The following MINAR1 variants were observed in gnomAD, a reference collection of about 807,000 sequenced individuals.
MINAR1 encodes the protein membrane integral NOTCH2 associated receptor 1.
Under a neutral mutation model 65.1 loss-of-function variants are expected in MINAR1, and 40 were observed. The ratio of observed to expected loss-of-function variants is 0.61; its 90% CI spans 0.48 to 0.80. MINAR1 has a LOEUF of 0.80. Ranked by LOEUF, MINAR1 falls within the 30% of genes least tolerant of loss-of-function variation. The pLI, the probability that MINAR1 is intolerant of heterozygous loss-of-function variation, is 0.00. For missense variants in MINAR1, 1,128 were observed against 1,148.0 expected (o/e 0.98, Z 0.25); for synonymous variants, 482 against 449.1 (o/e 1.07, Z -0.93).
At chr15:79,464,486 G>A (rs1490450109) in intron 3 of MINAR1, among the ~76,000 whole-genome samples, 1 of 152,192 alleles carries the variant, frequency 6.6e-6, no homozygotes, top group Non-Finnish European at 1.5e-5. Context: ...CAGGAAGCTC[G>A]ATAATTTGCC....
At position 79,457,537 on chromosome 15, in the gene MINAR1, A is replaced by G; in HGVS notation, c.1390A>G (p.Ser464Gly). 1 of 1,614,212 alleles carries G rather than the reference A, an allele frequency of 6.2e-7. No homozygotes were observed. The highest frequency in any genetic ancestry group is 8.5e-7 in the Non-Finnish European group (1 of 1,180,042). The change falls in exon 2 of 4, where the codon AGT becomes GGT. Residue 464 changes from serine (S) to glycine (G), a missense_variant. Coordinates refer to ENST00000305428, the MANE Select transcript of MINAR1 (RefSeq NM_015206.3). ...TAAAGACAAGAGCATTAACTGCACC[A>G]GTGGGCAGCTCAGCTCAGACACCAG... ...KFKDKSINCT[S>G]GQLSSDTSSV...
the MINAR1 span, chr15:79,411,686 T>C: frequency 9.1e-6 from 5 of 550,874 alleles, no homozygotes; most frequent in Non-Finnish European, 1.6e-5. Context: ...CACAGGCCTC[T>C]GGAATCCCGG....
chr15:79,452,555 AGTCT>A (rs1277899422), intron 1 of MINAR1, among the ~76,000 whole-genome samples: 2 of 124,562 alleles, frequency 1.6e-5, no homozygotes, highest in Non-Finnish European at 3.5e-5. Flanking sequence ...TGTGTGGGTG[AGTCT>A]GTGTGTGTGA....
intron 1 of MINAR1, among the ~76,000 whole-genome samples, chr15:79,441,553 T>C (rs1894869850): frequency 6.6e-6 from 1 of 152,170 alleles, no homozygotes; most frequent in African/African-American, 2.4e-5. Flanking sequence ...TTTACATATA[T>C]CTGATTATTT....
intron 1 of MINAR1, among the ~76,000 whole-genome samples, chr15:79,443,965 TTAAA>T (rs1384010252): frequency 1.3e-5 from 2 of 152,244 alleles, no homozygotes; most frequent in African/African-American, 2.4e-5. Context: ...TGGTGTTATA[TTAAA>T]TAAAACTTCC....
chr15:79,418,436 C>T, the MINAR1 span: 1 of 152,260 alleles, frequency 6.6e-6, no homozygotes, highest in African/African-American at 2.4e-5. Flanking sequence ...TCGCAGTCCC[C>T]TGCACCCACT....
At chr15:79,458,482 C>A in intron 2 of MINAR1, 37 bp downstream of exon 2, 5 of 1,588,692 alleles carry the variant, frequency 3.1e-6, no homozygotes, top group Non-Finnish European at 4.3e-6. Flanking sequence ...CGGGCACCAG[C>A]TTCATCATAG....
At chr15:79,434,809 T>G (rs1351925072) in intron 1 of MINAR1, among the ~76,000 whole-genome samples, 2 of 152,220 alleles carry the variant, frequency 1.3e-5, no homozygotes, top group Non-Finnish European at 2.9e-5. Flanking sequence ...GTTGGCTTCC[T>G]ACCTAGGCAT....
rs1331067961 is a variant in MINAR1 at position 79,457,554 on chromosome 15, A to G, written c.1407A>G (p.Ser469=). 6.2e-7 allele frequency: 1 copy of G among 1,614,222 alleles called. No homozygotes were observed. Among genetic ancestry groups the G allele is most frequent in the Non-Finnish European group, 8.5e-7 (1 of 1,180,032 alleles). ...SINCTSGQLS[S]DTSSVGTQTE... is the part of the protein sequence containing the mutation. ...ACTGCACCAGTGGGCAGCTCAGCTC[A>G]GACACCAGTAGCGTGGGCACCCAGA... is the stretch of plus-strand genomic sequence containing the variant. Residue 469 remains serine, a synonymous_variant, in exon 2 of 4, where the codon TCA becomes TCG. Transcript: ENST00000305428.
chr15:79,430,732 G>A (rs1894416582), upstream of MINAR1, among the ~76,000 whole-genome samples: 2 of 152,278 alleles, frequency 1.3e-5, no homozygotes, highest in South Asian at 4.1e-4. Flanking sequence ...GTTTGAACTT[G>A]CCTCACAATA....
intron 2 of MINAR1, among the ~76,000 whole-genome samples, chr15:79,458,829 C>G (rs1419259950): frequency 6.6e-6 from 1 of 152,182 alleles, no homozygotes; most frequent in Non-Finnish European, 1.5e-5. Flanking sequence ...AGGGAAAATA[C>G]TGAAAAGGTG....
chr15:79,450,249 C>T (rs144104033), intron 1 of MINAR1, among the ~76,000 whole-genome samples: 417 of 152,248 alleles, frequency 2.7e-3, no homozygotes, highest in African/African-American at 9.5e-3. Context: ...CCATCCAGCC[C>T]GCTCTAAAGA....
At chr15:79,416,070 G>A in the MINAR1 span, 1 of 152,140 alleles carries the variant, frequency 6.6e-6, no homozygotes, top group Non-Finnish European at 1.5e-5. Flanking sequence ...TGTTCACATA[G>A]CGTATCTTAA....
intron 2 of MINAR1, among the ~76,000 whole-genome samples, chr15:79,461,800 CT>C (rs1462631315): frequency 1.3e-5 from 2 of 152,182 alleles, no homozygotes; most frequent in East Asian, 3.9e-4. Flanking sequence ...CTTCCAACCC[CT>C]ATGCAAGCAT....
chr15:79,431,514 T>TGG (rs950404711), upstream of MINAR1, among the ~76,000 whole-genome samples: 54 of 117,040 alleles, frequency 4.6e-4, no homozygotes, highest in African/African-American at 1.9e-3. Flanking sequence ...TGTGTGTGTG[T>TGG]GGGGGGGGAG....
At chr15:79,419,969 G>A in the MINAR1 span, 1 of 152,122 alleles carries the variant, frequency 6.6e-6, no homozygotes, top group Non-Finnish European at 1.5e-5. Context: ...GATTGAACAG[G>A]CCTACTGTTT....
At position 79,468,375 on chromosome 15, in the gene MINAR1, G is replaced by T. The variant is rs1043582705; in HGVS notation, c.2742G>T (p.Met914Ile). Residue 914 changes from methionine (M) to isoleucine (I), a missense_variant, in exon 4 of 4, where the codon ATG becomes ATT. Coordinates refer to ENST00000305428, the MANE Select transcript of MINAR1 (RefSeq NM_015206.3). Reference protein sequence around the residue: ...ILVIVVPICTMKS With the variant: ...ILVIVVPICTIKS ...TTATTGTCGTGCCCATCTGCACAAT[G>T]AAATCATGAGCTAAGAATGCAACCT... The T allele has an allele frequency of 2.5e-6, 4 of 1,613,684 alleles. No homozygotes were observed. Among genetic ancestry groups the T allele is most frequent in the Non-Finnish European group, 3.4e-6 (4 of 1,179,910 alleles).
chr15:79,456,981 C>G lies in MINAR1; in HGVS notation c.834C>G (p.Ile278Met). 6.2e-7 allele frequency: 1 copy of G among 1,614,160 alleles called. No homozygotes were observed. The highest frequency in any genetic ancestry group is 1.1e-5 in the South Asian group (1 of 91,074). The part of the protein sequence containing the change: ...MAVSPSLVGP[I>M]SKAENEHREP... ...TGTCCCCCAGTTTGGTTGGCCCCAT[C>G]AGCAAAGCAGAGAATGAGCACAGGG... The change falls in exon 2 of 4, where the codon ATC becomes ATG. Residue 278 changes from isoleucine to methionine, a missense_variant. Coordinates refer to ENST00000305428, the MANE Select transcript of MINAR1 (RefSeq NM_015206.3).
chr15:79,468,506 C>T lies in MINAR1; in HGVS notation c.*122C>T. 1.1e-6 allele frequency: 1 copy of T among 895,510 alleles called. No homozygotes were observed. The highest frequency in any genetic ancestry group is 1.7e-5 in the South Asian group (1 of 57,468). 55.5% of individuals were successfully genotyped at this position (895,510 alleles called of 1,614,324 possible). On this transcript the variant is annotated 3_prime_UTR_variant, in exon 4 of 4. Transcript: ENST00000305428. ...AGATGAAATCATGGAGGCATTTCTA[C>T]AAATGTTGAATGAAGGTGGTTTTCA...
Sources: allele counts gnomAD v4.1 joint callset (sites outside exome capture counted in the v4.1 genomes callset), GRCh38; gene constraint gnomAD v4.1.1; transcripts MANE v1.5; gene names NCBI Gene and HGNC (gene_info 2026-07-23, HGNC 2026-07-21).